Variants in TENM3 observed in about 807,000 individuals in gnomAD.
TENM3 encodes the protein teneurin-3.
TENM3 carries 63 observed loss-of-function variants against 255.1 expected under a neutral mutation model. That is an observed-to-expected ratio of 0.25 (90% CI 0.20 to 0.30). TENM3 has a LOEUF of 0.30. Among genes scored for constraint, TENM3 ranks in the 10% least tolerant of loss-of-function variants. The pLI is 1.00. For synonymous variants in TENM3, 1,306 were observed against 1,322.3 expected (o/e 0.99, Z 0.27); for missense variants, 2,929 against 3,461.1 (o/e 0.85, Z 3.86).
chr4:182,711,305 G>A (rs550843803), intron 12 of TENM3, among the ~76,000 whole-genome samples: 1 of 152,266 alleles, frequency 6.6e-6, no homozygotes, highest in Admixed American at 6.5e-5. Flanking sequence ...TTGAAATGAC[G>A]AGAGTGGAGT....
chr4:181,996,215 C>G, the TENM3 span, among the ~76,000 whole-genome samples: 1 of 149,518 alleles, frequency 6.7e-6, no homozygotes, highest in Non-Finnish European at 1.5e-5. Context: ...GGAGGAAAGA[C>G]AAGCACAGAA....
chr4:181,844,267 G>A, the TENM3 span, among the ~76,000 whole-genome samples: 1 of 152,082 alleles, frequency 6.6e-6, no homozygotes, highest in Non-Finnish European at 1.5e-5. Flanking sequence ...ACTTTGGGGG[G>A]ACACATTCAA....
intron 3 of TENM3, chr4:182,449,039 TG>T: frequency 2.6e-6 from 1 of 381,548 alleles, no homozygotes; most frequent in Non-Finnish European, 5.3e-6. Context: ...TTGGCAGCGC[TG>T]GGCTCGGTTC....
chr4:182,468,867 T>C (rs898148528), intron 3 of TENM3, among the ~76,000 whole-genome samples: 3 of 138,368 alleles, frequency 2.2e-5, no homozygotes, highest in African/African-American at 7.8e-5. Flanking sequence ...TGTGTGTGTG[T>C]GTGTATGTGC....
chr4:182,768,535 G>A (rs1763913108), intron 22 of TENM3, among the ~76,000 whole-genome samples: 1 of 152,122 alleles, frequency 6.6e-6, no homozygotes, highest in Non-Finnish European at 1.5e-5. Flanking sequence ...AAAGTCTAGG[G>A]AAGCTCTGGG....
chr4:181,656,926 CAATGACGT>C, the TENM3 span, among the ~76,000 whole-genome samples: 2 of 152,226 alleles, frequency 1.3e-5, no homozygotes, highest in South Asian at 4.1e-4. Flanking sequence ...TGTAGCAACA[CAATGACGT>C]AATGTTTCAT....
chr4:182,758,541 T>C (rs1383726953), intron 22 of TENM3, among the ~76,000 whole-genome samples: 1 of 152,140 alleles, frequency 6.6e-6, no homozygotes, highest in Non-Finnish European at 1.5e-5. Context: ...AGCATCCTAA[T>C]AGAGGCAGCG....
At chr4:182,060,893 T>C in the TENM3 span, among the ~76,000 whole-genome samples, 1 of 152,240 alleles carries the variant, frequency 6.6e-6, no homozygotes, top group Non-Finnish European at 1.5e-5. Context: ...GGTATATGCA[T>C]TCCCCAGCTA....
chr4:182,362,839 G>A (rs146586263), intron 3 of TENM3, among the ~76,000 whole-genome samples: 3,074 of 152,322 alleles, frequency 0.02, 70 homozygotes, highest in African/African-American at 0.048. Flanking sequence ...GCTGTAGACC[G>A]GAGCTGTTCC....
intron 11 of TENM3, among the ~76,000 whole-genome samples, chr4:182,686,833 CCT>C (rs1320832584): frequency 6.6e-6 from 1 of 152,050 alleles, no homozygotes; most frequent in African/African-American, 2.4e-5. Flanking sequence ...CAGAAAGAAC[CCT>C]CTCACTTCTG....
chr4:181,731,351 T>G, the TENM3 span, among the ~76,000 whole-genome samples: 1 of 152,118 alleles, frequency 6.6e-6, no homozygotes, highest in Non-Finnish European at 1.5e-5. Flanking sequence ...TCAACAAGTT[T>G]TTCTTTTGTT....
chr4:182,416,171 A>G (rs1282449003), intron 3 of TENM3, among the ~76,000 whole-genome samples: 2 of 152,192 alleles, frequency 1.3e-5, no homozygotes, highest in Non-Finnish European at 2.9e-5. Flanking sequence ...CTTTATTCTC[A>G]TTGATGTCTC....
intron 3 of TENM3, among the ~76,000 whole-genome samples, chr4:182,491,641 A>C (rs1364434796): frequency 6.6e-6 from 1 of 152,132 alleles, no homozygotes; most frequent in Non-Finnish European, 1.5e-5. Flanking sequence ...CATTTTTTCC[A>C]GTCTTTTCTT....
chr4:181,845,251 G>A, the TENM3 span, among the ~76,000 whole-genome samples: 1 of 152,104 alleles, frequency 6.6e-6, no homozygotes, highest in East Asian at 1.9e-4. Flanking sequence ...ATTTGATTAT[G>A]TGCATTGAAG....
chr4:181,960,765 T>G, the TENM3 span, among the ~76,000 whole-genome samples: 5 of 152,244 alleles, frequency 3.3e-5, no homozygotes, highest in African/African-American at 1.2e-4. Flanking sequence ...TTATATATAC[T>G]TTTTAGAACA....
At chr4:181,768,747 T>A in the TENM3 span, among the ~76,000 whole-genome samples, 22 of 152,262 alleles carry the variant, frequency 1.4e-4, no homozygotes, top group African/African-American at 5.1e-4. Context: ...TATCAAATGA[T>A]TTATTATGAT....
chr4:181,924,988 A>G, the TENM3 span, among the ~76,000 whole-genome samples: 2 of 152,222 alleles, frequency 1.3e-5, no homozygotes, highest in African/African-American at 4.8e-5. Flanking sequence ...GAATAGCCTT[A>G]TTGGTGTCAA....
the TENM3 span, among the ~76,000 whole-genome samples, chr4:181,967,755 C>T: frequency 6.6e-6 from 1 of 152,240 alleles, no homozygotes; most frequent in African/African-American, 2.4e-5. Context: ...AGGATAGAGG[C>T]TCAGAGTCAA....
At chr4:181,781,959 G>A in the TENM3 span, among the ~76,000 whole-genome samples, 2 of 152,180 alleles carry the variant, frequency 1.3e-5, no homozygotes, top group Non-Finnish European at 2.9e-5. Flanking sequence ...TTGCATCCTA[G>A]GGATGAAGCC....
Sources: allele counts gnomAD v4.1 joint callset (sites outside exome capture counted in the v4.1 genomes callset), GRCh38; gene constraint gnomAD v4.1.1; transcripts MANE v1.5; gene names NCBI Gene and HGNC (gene_info 2026-07-23, HGNC 2026-07-21).